ADAM12: variants seen among roughly 807,000 people sequenced by gnomAD.
The protein encoded by ADAM12 is disintegrin and metalloproteinase domain-containing protein 12.
ADAM12 carries 70 observed loss-of-function variants against 106.4 expected under a neutral mutation model. That is an observed-to-expected ratio of 0.66 (90% CI 0.54 to 0.80). ADAM12 has a LOEUF of 0.80. Ranked by LOEUF, ADAM12 falls within the 30% of genes least tolerant of loss-of-function variation. The pLI is 0.00. For synonymous variants in ADAM12, 420 were observed against 433.5 expected (o/e 0.97, Z 0.39); for missense variants, 1,010 against 1,171.9 (o/e 0.86, Z 2.02).
intron 3 of ADAM12, among the ~76,000 whole-genome samples, chr10:126,245,498 G>A (rs903704794): frequency 6.6e-6 from 1 of 152,200 alleles, no homozygotes; most frequent in Non-Finnish European, 1.5e-5. Flanking sequence ...CCATCCTGAA[G>A]GACTGGGCAG....
chr10:126,314,429 G>A (rs753178273), intron 2 of ADAM12, among the ~76,000 whole-genome samples: 2 of 152,126 alleles, frequency 1.3e-5, no homozygotes, highest in East Asian at 1.9e-4. Flanking sequence ...GCAGGCCAAC[G>A]TCTGGCTGCC....
At chr10:126,167,652 AT>A (rs1957047554) in intron 3 of ADAM12, among the ~76,000 whole-genome samples, 1 of 121,298 alleles carries the variant, frequency 8.2e-6, no homozygotes, top group African/African-American at 5.1e-5. Flanking sequence ...ACTCATTTAT[AT>A]TTATTCATTA....
At chr10:126,205,293 T>C (rs1053917551) in intron 3 of ADAM12, among the ~76,000 whole-genome samples, 1 of 151,084 alleles carries the variant, frequency 6.6e-6, no homozygotes, top group African/African-American at 2.4e-5. Flanking sequence ...GAGTTGGTTT[T>C]CTGTCACTTA....
chr10:126,278,487 A>G (rs1959387597), intron 3 of ADAM12, among the ~76,000 whole-genome samples: 1 of 152,220 alleles, frequency 6.6e-6, no homozygotes, highest in Admixed American at 6.5e-5. Context: ...ATCACTGGAG[A>G]TAAGCTTTGA....
At chr10:126,180,758 T>G (rs1957298517) in intron 3 of ADAM12, among the ~76,000 whole-genome samples, 1 of 152,198 alleles carries the variant, frequency 6.6e-6, no homozygotes, top group South Asian at 2.1e-4. Context: ...CAAAGAAGCT[T>G]CTTAGAAAGG....
chr10:126,081,540 C>A (rs1298550015), intron 11 of ADAM12, among the ~76,000 whole-genome samples: 9 of 152,220 alleles, frequency 5.9e-5, no homozygotes. Flanking sequence ...TTTCTCCTGA[C>A]AGCAGATGCC....
At chr10:126,371,622 A>G (rs145410518) in intron 1 of ADAM12, among the ~76,000 whole-genome samples, 2 of 152,218 alleles carry the variant, frequency 1.3e-5, no homozygotes, top group Non-Finnish European at 2.9e-5. Context: ...AGAGTGCTTA[A>G]CGGGCTTTAC....
intron 3 of ADAM12, among the ~76,000 whole-genome samples, chr10:126,175,101 G>A (rs1957196199): frequency 1.3e-5 from 2 of 152,132 alleles, no homozygotes; most frequent in Admixed American, 1.3e-4. Context: ...CTATTTCCTT[G>A]GGACCACCTT....
Position 126,015,664 on chromosome 10 carries a change from T to C in ADAM12, c.*1615A>G, listed in dbSNP as rs1214529665. On this transcript the variant is annotated 3_prime_UTR_variant, in exon 23 of 23. Coordinates refer to ENST00000448723, the MANE Select transcript of ADAM12 (RefSeq NM_001288973.2). ...GGGAAAGTGAAATGCAGTTTTGTTT[T>C]CTGGAAGGCAAACCAAGATTCTTGG... 6.6e-6 allele frequency: 1 copy of C among 152,216 alleles called. No individual in the cohort carries two copies. Among genetic ancestry groups the C allele is most frequent in the African/African-American group, 2.4e-5 (1 of 41,452 alleles). The allele number at this position is 152,216 out of a possible 1,614,324, so 9.4% of individuals were successfully genotyped here.
intron 16 of ADAM12, among the ~76,000 whole-genome samples, chr10:126,046,368 C>T (rs529496784): frequency 6.6e-5 from 10 of 152,312 alleles, no homozygotes; most frequent in Non-Finnish European, 1.5e-4. Context: ...AATGTCAACA[C>T]TATTAAATTA....
chr10:126,134,487 C>T (rs1031515547), intron 5 of ADAM12, among the ~76,000 whole-genome samples: 2 of 152,088 alleles, frequency 1.3e-5, no homozygotes, highest in African/African-American at 4.8e-5. Flanking sequence ...GGGACTGGAA[C>T]GGGATGAACG....
chr10:126,225,898 C>T (rs10794070), intron 3 of ADAM12, among the ~76,000 whole-genome samples: 33,236 of 152,016 alleles, frequency 0.22, 3,711 homozygotes, highest in African/African-American at 0.23. Context: ...GTAACTCCAG[C>T]CTCCCTTCCA....
chr10:126,377,418 G>A (rs1007395726), intron 1 of ADAM12, among the ~76,000 whole-genome samples: 3 of 152,164 alleles, frequency 2.0e-5, no homozygotes, highest in African/African-American at 4.8e-5. Context: ...ATCCAGCACA[G>A]GAGAAAAATG....
chr10:126,112,175 A>G (rs1457066649), intron 6 of ADAM12, among the ~76,000 whole-genome samples: 2 of 152,090 alleles, frequency 1.3e-5, no homozygotes, highest in Admixed American at 6.5e-5. Flanking sequence ...TTGAACAATA[A>G]GAACACATGG....
chr10:126,019,836 CAT>C lies in ADAM12; in HGVS notation c.2530-13_2530-12del. On this transcript the variant is annotated splice_polypyrimidine_tract_variant and intron_variant, in intron 21 of 22. Coordinates refer to ENST00000448723, the MANE Select transcript of ADAM12 (RefSeq NM_001288973.2). Reference sequence around the variant, plus strand: ...TGGCTTACAGGTCCCCTGCAATAAACATAGGGTTAGGCAGGGTCACTTACCAG... The same window carrying C: ...TGGCTTACAGGTCCCCTGCAATAAACAGGGTTAGGCAGGGTCACTTACCAG... The C allele has an allele frequency of 6.2e-7, 1 of 1,610,536 alleles. No homozygotes were observed. Among genetic ancestry groups the C allele is most frequent in the South Asian group, 1.1e-5 (1 of 90,546 alleles).
At chr10:126,295,671 C>T (rs1022926872) in intron 2 of ADAM12, among the ~76,000 whole-genome samples, 6 of 152,038 alleles carry the variant, frequency 3.9e-5, no homozygotes, top group African/African-American at 1.4e-4. Context: ...TAATAAATGT[C>T]TTCTCAATAA....
At chr10:126,266,505 G>A (rs545650422) in intron 3 of ADAM12, among the ~76,000 whole-genome samples, 1 of 152,302 alleles carries the variant, frequency 6.6e-6, no homozygotes, top group Admixed American at 6.5e-5. Flanking sequence ...GGGAGATAAT[G>A]CAAGAGCAAT....
intron 1 of ADAM12, among the ~76,000 whole-genome samples, chr10:126,378,566 G>A (rs925290597): frequency 6.6e-6 from 1 of 152,102 alleles, no homozygotes; most frequent in Non-Finnish European, 1.5e-5. Context: ...TATTGATTAG[G>A]GGTATGTGTG....
At position 126,101,105 on chromosome 10, in the gene ADAM12, G is replaced by C; in HGVS notation, c.878C>G (p.Pro293Arg). Residue 293 changes from proline (P) to arginine (R), a missense_variant, in exon 9 of 23, where the codon CCT becomes CGT. Physicochemically the swap from Pro to Arg is moderately radical, Grantham distance 103. Around this residue, in one of 3 missense-constraint regions of ADAM12, gnomAD observed 391 missense variants for 442.9 expected, o/e 0.88. Coordinates refer to ENST00000448723, the MANE Select transcript of ADAM12 (RefSeq NM_001288973.2). ...CTGCGCATTGTCATGGGATTTGCGAGGTAGAAGCTTCATCTTCCTCCAGTC... is the reference window on the plus strand; with the variant it reads ...CTGCGCATTGTCATGGGATTTGCGACGTAGAAGCTTCATCTTCCTCCAGTC... ...FLDWRKMKLL[P>R]RKSHDNAQLV... 1 of 1,613,970 alleles carries C rather than the reference G, an allele frequency of 6.2e-7. No individual in the cohort carries two copies. Among genetic ancestry groups the C allele is most frequent in the Non-Finnish European group, 8.5e-7 (1 of 1,179,906 alleles).
Sources: allele counts gnomAD v4.1 joint callset (sites outside exome capture counted in the v4.1 genomes callset), GRCh38; gene constraint gnomAD v4.1.1; regional missense constraint gnomAD v4.1.1; transcripts MANE v1.5; gene names NCBI Gene and HGNC (gene_info 2026-07-23, HGNC 2026-07-21).